The following USP6 variants were observed in gnomAD, a reference collection of about 807,000 sequenced individuals.
USP6 encodes the protein ubiquitin carboxyl-terminal hydrolase 6.
USP6 carries 128 observed loss-of-function variants against 175.7 expected under a neutral mutation model. That is an observed-to-expected ratio of 0.73 (90% CI 0.63 to 0.84). USP6 has a LOEUF of 0.84. Ranked by LOEUF, USP6 falls within the 40% of genes least tolerant of loss-of-function variation. USP6 has a pLI of 0.00. For missense variants in USP6, 1,498 were observed against 1,760.3 expected, an observed-to-expected ratio of 0.85 and a Z score of 2.67; for synonymous variants, 562 against 630.6, an observed-to-expected ratio of 0.89 and a Z score of 1.63.
Position 5,173,113 on chromosome 17 carries a change from AAT to A in USP6, c.*137_*138del. On this transcript the variant is annotated 3_prime_UTR_variant, in exon 38 of 38. Coordinates refer to ENST00000574788, the MANE Select transcript of USP6 (RefSeq NM_001304284.2). ...CTGTTAGAACAAAAATTCTAATTAA[AAT>A]AGTTAACTTGAAGAGTAGAAACAAT... 1 of 1,134,958 alleles carries A rather than the reference AAT, an allele frequency of 8.8e-7. No individual in the cohort carries two copies. 70.3% of individuals were successfully genotyped at this position (1,134,958 alleles called of 1,614,324 possible). A position where few individuals can be genotyped will look rare whatever the true frequency, so the allele number is the denominator to read the frequency against.
Position 5,134,987 on chromosome 17 carries a change from G to A in USP6, c.495-247G>A, listed in dbSNP as rs144351567. The A allele has an allele frequency of 3.2e-4, 143 of 445,626 alleles. 1 individual carries two copies. Among genetic ancestry groups the A allele is most frequent in the African/African-American group, 2.5e-3 (122 of 49,498 alleles). 27.6% of individuals were successfully genotyped at this position (445,626 alleles called of 1,614,324 possible). ...ACCCAAAGACTGAACTGGTGTGTGTGCAAAAGAAAAAAAAAATCATTCAGC... is the reference window on the plus strand; with the variant it reads ...ACCCAAAGACTGAACTGGTGTGTGTACAAAAGAAAAAAAAAATCATTCAGC... On this transcript the variant is annotated intron_variant, in intron 15 of 37. Coordinates refer to ENST00000574788, the MANE Select transcript of USP6 (RefSeq NM_001304284.2).
In USP6 at chr17:5,158,614, GGAGAGAGAGAGAGAGAGA is replaced by G. The variant is rs71151843; in HGVS notation, c.2829-2873_2829-2856del. Reference sequence around the variant, plus strand: ...GAGAGAGAGAGAGAGAGGGAGAGGGGGAGAGAGAGAGAGAGAGAGAGAGAGAGAGAGAGAGAGAGAGAG... The same window carrying G: ...GAGAGAGAGAGAGAGAGGGAGAGGGGGAGAGAGAGAGAGAGAGAGAGAGAG... On this transcript the variant is annotated intron_variant, in intron 31 of 37. Coordinates refer to ENST00000574788, the MANE Select transcript of USP6 (RefSeq NM_001304284.2). Among the ~76,000 whole-genome samples, 169 of 26,342 alleles carry G rather than the reference GGAGAGAGAGAGAGAGAGA, an allele frequency of 6.4e-3. 2 individuals are homozygous for G. The highest frequency in any genetic ancestry group is 0.017 in the African/African-American group (115 of 6,636). 17.3% of individuals were successfully genotyped at this position (26,342 alleles called of 152,430 possible). A position where few individuals can be genotyped will look rare whatever the true frequency, so the allele number is the denominator to read the frequency against.
At chr17:5,150,291 T>TAAAAAAATAAAA (rs1555602116) in intron 30 of USP6, among the ~76,000 whole-genome samples, 1 of 119,962 alleles carries the variant, frequency 8.3e-6, no homozygotes, top group Admixed American at 1.1e-4. Flanking sequence ...AAACTCCGTC[T>TAAAAAAATAAAA]AAAAAAATAA....
chr17:5,137,092 G>T (rs374405147), intron 18 of USP6, 29 bp from the exon 19 acceptor site: 11 of 1,609,574 alleles, frequency 6.8e-6, no homozygotes, highest in East Asian at 4.5e-5. Context: ...AGCCCAGGGG[G>T]CCCTGAGCAC....
chr17:5,132,340 C>T lies in USP6; in HGVS notation c.156-56C>T. ...TCCTTTCTGGGGGTCGGCTCCCAGG[C>T]TTGGGCGGCTCCAGGCCCTGTGCAC... is the stretch of plus-strand genomic sequence containing the variant. On this transcript the variant is annotated intron_variant, in intron 11 of 37. Transcript: ENST00000574788. The surrounding 1 kb of genome is among the most constrained non-coding windows in gnomAD (Gnocchi z 4.7). The T allele has an allele frequency of 1.2e-6, 2 of 1,612,046 alleles. No individual in the cohort carries two copies. The highest frequency in any genetic ancestry group is 1.7e-6 in the Non-Finnish European group (2 of 1,179,804).
In USP6 at chr17:5,173,469, T is replaced by C. The variant is rs1161015216; in HGVS notation, c.*491T>C. On this transcript the variant is annotated 3_prime_UTR_variant, in exon 38 of 38. Coordinates refer to ENST00000574788, the MANE Select transcript of USP6 (RefSeq NM_001304284.2). The stretch of plus-strand genomic sequence containing the variant: ...AAGATCATGAAGGTGTGCAAATGAT[T>C]CTTACGGCATGGACAAGGATTTTTC... 2 of 221,888 alleles carry C rather than the reference T, an allele frequency of 9.0e-6. No individual in the cohort carries two copies. Among genetic ancestry groups the C allele is most frequent in the African/African-American group, 4.5e-5 (2 of 44,632 alleles). 13.7% of individuals were successfully genotyped at this position (221,888 alleles called of 1,614,324 possible).
intron 31 of USP6, among the ~76,000 whole-genome samples, chr17:5,157,493 G>C (rs2073909328): frequency 1.3e-5 from 2 of 152,226 alleles, no homozygotes; most frequent in South Asian, 4.1e-4. Context: ...GTTTTGTTTA[G>C]TAAAGATGAA....
Position 5,142,154 on chromosome 17 carries a change from G to C in USP6, c.1712+13G>C. 2 of 1,608,606 alleles carry C rather than the reference G, an allele frequency of 1.2e-6. No individual in the cohort carries two copies. The highest frequency in any genetic ancestry group is 1.7e-6 in the Non-Finnish European group (2 of 1,177,498). On this transcript the variant is annotated intron_variant, in intron 24 of 37. Coordinates refer to ENST00000574788, the MANE Select transcript of USP6 (RefSeq NM_001304284.2). ...ATGAACTCAACAGGTAAACTTTCTT[G>C]AGTCACTGGCCTCTTAACCTGTGAC...
At chr17:5,166,133 G>C (rs1241882764) in intron 33 of USP6, among the ~76,000 whole-genome samples, 1 of 152,018 alleles carries the variant, frequency 6.6e-6, no homozygotes, top group East Asian at 1.9e-4. Context: ...TTTGAAGCAC[G>C]TGTTTTTTCC....
At chr17:5,139,831 C>T (rs966318439) in intron 22 of USP6, among the ~76,000 whole-genome samples, 157 bp downstream of exon 22, 1 of 152,166 alleles carries the variant, frequency 6.6e-6, no homozygotes, top group Non-Finnish European at 1.5e-5. Flanking sequence ...GCCACCTCTA[C>T]TTGGAAAGTT....
chr17:5,173,625 CTCT>C lies in USP6; in HGVS notation c.*649_*651del, dbSNP rs2074269979. ...GAGTGGTCAGTCTGAAAGGGAGGCT[CTCT>C]TAAGAGCTATGTGCCTTCCAACCAG... On this transcript the variant is annotated 3_prime_UTR_variant, in exon 38 of 38. Transcript: ENST00000574788. The C allele has an allele frequency of 4.5e-6, 1 of 220,062 alleles. No homozygotes were observed. Among genetic ancestry groups the C allele is most frequent in the Admixed American group, 5.8e-5 (1 of 17,316 alleles). 13.6% of individuals were successfully genotyped at this position (220,062 alleles called of 1,614,324 possible). A position where few individuals can be genotyped will look rare whatever the true frequency, so the allele number is the denominator to read the frequency against.
At chr17:5,123,574 C>T (rs1241752349) in intron 4 of USP6, among the ~76,000 whole-genome samples, 1 of 152,032 alleles carries the variant, frequency 6.6e-6, no homozygotes, top group East Asian at 1.9e-4. Context: ...GCACTCACAC[C>T]GGGGGGGCAC....
chr17:5,117,507 C>A (rs2072563639), intron 1 of USP6, among the ~76,000 whole-genome samples: 1 of 147,800 alleles, frequency 6.8e-6, no homozygotes, highest in South Asian at 2.1e-4. Context: ...CAGAGCGAGA[C>A]TCCGTCTCAA....
intron 8 of USP6, 195 bp from the exon 9 acceptor site, chr17:5,129,741 C>A (rs1338561568): frequency 6.3e-6 from 1 of 158,062 alleles, no homozygotes; most frequent in East Asian, 1.9e-4. Flanking sequence ...CAGTCCCTCC[C>A]TGAGAGACAT....
At chr17:5,119,308 T>C (rs1456797433) in intron 2 of USP6, among the ~76,000 whole-genome samples, 2 of 152,258 alleles carry the variant, frequency 1.3e-5, no homozygotes, top group Non-Finnish European at 2.9e-5. Flanking sequence ...AGGTAGGTTT[T>C]ATTTTGTGGA....
intron 22 of USP6, among the ~76,000 whole-genome samples, chr17:5,141,210 G>A (rs1196689143): frequency 6.6e-6 from 1 of 152,114 alleles, no homozygotes; most frequent in Non-Finnish European, 1.5e-5. Flanking sequence ...GTTTGTGTAG[G>A]TACACTCCGT....
In USP6 at chr17:5,155,622, C is replaced by T. The variant is rs2073866940; in HGVS notation, c.2828+16C>T. The T allele has an allele frequency of 1.9e-6, 3 of 1,600,960 alleles. No homozygotes were observed. The highest frequency in any genetic ancestry group is 2.6e-6 in the Non-Finnish European group (3 of 1,173,990). ...CCCAGGATCGGTGAGTTCAGGGGAT[C>T]CATCTAAACCTGTGGTTTCCAAACT... On this transcript the variant is annotated intron_variant, in intron 31 of 37. Transcript: ENST00000574788.
chr17:5,136,833 G>A (rs1048536917), intron 18 of USP6, 99 bp downstream of exon 18: 21 of 1,529,288 alleles, frequency 1.4e-5, no homozygotes, highest in African/African-American at 6.8e-5. Flanking sequence ...GGTGACTGGC[G>A]GAGTCCCAGC....
chr17:5,148,799 T>A (rs776406809), intron 30 of USP6, 32 bp downstream of exon 30: 15 of 1,606,050 alleles, frequency 9.3e-6, no homozygotes, highest in Non-Finnish European at 1.2e-5. Context: ...TCACTGCCAG[T>A]CTTGCTAGTG....
Sources: allele counts gnomAD v4.1 joint callset (sites outside exome capture counted in the v4.1 genomes callset), GRCh38; gene constraint gnomAD v4.1.1; non-coding constraint Gnocchi (gnomAD v3.1); transcripts MANE v1.5; gene names NCBI Gene and HGNC (gene_info 2026-07-23, HGNC 2026-07-21).